The following DCAF17 variants were observed in gnomAD, a reference collection of about 807,000 sequenced individuals.
The protein encoded by DCAF17 is DDB1 and CUL4 associated factor 17, also known as DDB1- and CUL4-associated factor 17.
Under a neutral mutation model 66.0 loss-of-function variants are expected in DCAF17, and 48 were observed. The ratio of observed to expected loss-of-function variants is 0.73; its 90% CI spans 0.58 to 0.92. The LOEUF (loss-of-function observed/expected upper bound fraction) is 0.92. Ranked by LOEUF, DCAF17 falls within the 40% of genes least tolerant of loss-of-function variation. The probability of loss-of-function intolerance (pLI) is 0.00; values close to 1 mark genes in which losing one functional copy is unlikely to be tolerated. For missense variants in DCAF17, 562 were observed against 622.8 expected, an observed-to-expected ratio of 0.90 and a Z score of 1.04; for synonymous variants, 206 against 214.6, an observed-to-expected ratio of 0.96 and a Z score of 0.35.
chr2:171,464,836 A>G (rs944781902), intron 8 of DCAF17, among the ~76,000 whole-genome samples: 4 of 152,066 alleles, frequency 2.6e-5, no homozygotes, highest in Non-Finnish European at 5.9e-5. Flanking sequence ...TTGATTTCTA[A>G]TAAAACTTTA....
intron 6 of DCAF17, among the ~76,000 whole-genome samples, chr2:171,457,535 C>T (rs1046162822): frequency 1.3e-5 from 2 of 152,154 alleles, no homozygotes; most frequent in African/African-American, 4.8e-5. Flanking sequence ...CTGGGCACCT[C>T]TAATTAACTA....
rs757489748 is a variant in DCAF17 at position 171,457,965 on chromosome 2, C to G, written c.628-6C>G. 1 of 1,610,142 alleles carries G rather than the reference C, an allele frequency of 6.2e-7. No individual in the cohort carries two copies. Among genetic ancestry groups the G allele is most frequent in the Non-Finnish European group, 8.5e-7 (1 of 1,176,410 alleles). ...CTCAGGTGATATCTGTCTTTCCCCC[C>G]GCCAGATTTTTGGGAACGTTACAGA... On this transcript the variant is annotated splice_polypyrimidine_tract_variant and splice_region_variant and intron_variant, in intron 6 of 13. Transcript: ENST00000375255.
intron 2 of DCAF17, among the ~76,000 whole-genome samples, chr2:171,435,882 T>A (rs533146558): frequency 6.6e-6 from 1 of 152,348 alleles, no homozygotes; most frequent in South Asian, 2.1e-4. Context: ...TACAGTTCAA[T>A]AATATTTAAT....
chr2:171,458,106 A>G (rs1009033924), intron 7 of DCAF17, 31 bp downstream of exon 7: 7 of 1,573,972 alleles, frequency 4.4e-6, no homozygotes, highest in Non-Finnish European at 6.1e-6. Flanking sequence ...TCATGTTACT[A>G]TTAGCATGAG....
intron 2 of DCAF17, among the ~76,000 whole-genome samples, chr2:171,435,850 A>G (rs1268667153): frequency 6.6e-6 from 1 of 152,162 alleles, no homozygotes; most frequent in Admixed American, 6.5e-5. Flanking sequence ...TTCACATACC[A>G]TATATTTACC....
chr2:171,459,915 A>G (rs1437976684), intron 8 of DCAF17, among the ~76,000 whole-genome samples: 1 of 152,182 alleles, frequency 6.6e-6, no homozygotes, highest in Non-Finnish European at 1.5e-5. Flanking sequence ...ATTAAAAGCA[A>G]TCTATTAAGA....
At position 171,434,637 on chromosome 2, in the gene DCAF17, C is replaced by T; in HGVS notation, c.60C>T (p.Cys20=). Residue 20 remains cysteine, a synonymous_variant, in exon 1 of 14, where the codon TGC becomes TGT. Coordinates refer to ENST00000375255, the MANE Select transcript of DCAF17 (RefSeq NM_025000.4). ...CSRLSRRALG[C]FSRDAGVVQR... ...GGCTGAGTCGCCGGGCGCTGGGCTG[C>T]TTCTCGCGCGACGCAGGCGTGGTGC... 4 of 1,534,006 alleles carry T rather than the reference C, an allele frequency of 2.6e-6. No homozygotes were observed. The highest frequency in any genetic ancestry group is 1.4e-5 in the African/African-American group (1 of 71,424).
chr2:171,480,270 G>A, intron 13 of DCAF17, 77 bp downstream of exon 13: 1 of 1,544,976 alleles, frequency 6.5e-7, no homozygotes, highest in South Asian at 1.1e-5. Context: ...ATGTTATTGT[G>A]TTCATGTCAG....
chr2:171,474,163 A>C, intron 10 of DCAF17, 188 bp downstream of exon 10: 7 of 604,416 alleles, frequency 1.2e-5, no homozygotes, highest in Non-Finnish European at 2.1e-5. Context: ...TACTGTTTGT[A>C]AATATTAAAT....
At chr2:171,471,400 C>T (rs1008014333) in intron 9 of DCAF17, among the ~76,000 whole-genome samples, 1 of 152,148 alleles carries the variant, frequency 6.6e-6, no homozygotes, top group Non-Finnish European at 1.5e-5. Context: ...TGATAATAAG[C>T]TGCCCAGTAT....
intron 12 of DCAF17, 82 bp from the exon 13 acceptor site, chr2:171,479,956 T>G (rs1373150780): frequency 1.3e-6 from 2 of 1,497,378 alleles, no homozygotes; most frequent in Non-Finnish European, 1.8e-6. Context: ...AATAGAATAC[T>G]TAAACTATAA....
At chr2:171,451,631 C>G (rs551697665) in intron 5 of DCAF17, among the ~76,000 whole-genome samples, 2 of 152,130 alleles carry the variant, frequency 1.3e-5, no homozygotes, top group Non-Finnish European at 2.9e-5. Flanking sequence ...GCTAGAGTGT[C>G]GTGGTGAGCT....
intron 11 of DCAF17, among the ~76,000 whole-genome samples, chr2:171,477,438 A>G (rs1574404388): frequency 1.4e-5 from 2 of 145,442 alleles, no homozygotes; most frequent in African/African-American, 2.5e-5. Flanking sequence ...CAGCTAATCT[A>G]TAATCTTTTA....
intron 2 of DCAF17, among the ~76,000 whole-genome samples, chr2:171,441,907 A>T (rs1694325388): frequency 6.6e-6 from 1 of 152,224 alleles, no homozygotes; most frequent in Non-Finnish European, 1.5e-5. Context: ...TCATGCTGGA[A>T]GTGGAAATCT....
rs11677265 is a variant in DCAF17, at chr2:171,474,256, A to G, written c.1091+281A>G. The G allele has an allele frequency of 9.2e-3, 3,861 of 421,938 alleles. 46 individuals are homozygous for G. Among genetic ancestry groups the G allele is most frequent in the South Asian group, 0.02 (871 of 42,994 alleles). The allele number at this position is 421,938 out of a possible 1,614,324, so 26.1% of individuals were successfully genotyped here. ...TTCTCATCAGGTCTTAGTTAATTCT[A>G]TAGGGTTAATAAGAAAGAAGAGTAT... On this transcript the variant is annotated intron_variant, in intron 10 of 13. Coordinates refer to ENST00000375255, the MANE Select transcript of DCAF17 (RefSeq NM_025000.4).
Position 171,469,035 on chromosome 2 carries a change from A to G in DCAF17, c.981+5A>G. On this transcript the variant is annotated splice_donor_5th_base_variant and intron_variant, in intron 9 of 13. Transcript: ENST00000375255. ...GCCCTAAAAGACAATTCCCTGGTAA[A>G]TGAGTGATCAGACTTTTTATTAGCA... is the stretch of plus-strand genomic sequence containing the variant. The G allele has an allele frequency of 6.2e-7, 1 of 1,614,026 alleles. No homozygotes were observed.
intron 6 of DCAF17, among the ~76,000 whole-genome samples, chr2:171,453,777 A>G (rs916763856): frequency 3.3e-5 from 5 of 152,172 alleles, no homozygotes; most frequent in African/African-American, 1.2e-4. Context: ...AAAAAAAGTT[A>G]CTTATTCTTG....
chr2:171,459,441 A>G (rs1007311695), intron 8 of DCAF17, among the ~76,000 whole-genome samples: 2 of 152,262 alleles, frequency 1.3e-5, no homozygotes, highest in African/African-American at 4.8e-5. Context: ...TTTAGTAGCT[A>G]TAAAGATCAC....
At chr2:171,439,010 C>T (rs958067004) in intron 2 of DCAF17, among the ~76,000 whole-genome samples, 2 of 151,976 alleles carry the variant, frequency 1.3e-5, no homozygotes, top group East Asian at 1.9e-4. Context: ...ATTACAGACA[C>T]GAGCCACCAG....
Sources: allele counts gnomAD v4.1 joint callset (sites outside exome capture counted in the v4.1 genomes callset), GRCh38; gene constraint gnomAD v4.1.1; transcripts MANE v1.5; gene names NCBI Gene and HGNC (gene_info 2026-07-23, HGNC 2026-07-21).